Variants in GPM6A observed in about 807,000 individuals in gnomAD.
The protein encoded by GPM6A is neuronal membrane glycoprotein M6-a.
GPM6A carries 7 observed loss-of-function variants against 32.1 expected under a neutral mutation model. The ratio of observed to expected loss-of-function variants is 0.22; its 90% CI spans 0.12 to 0.41. The LOEUF is 0.41. Ranked by LOEUF, GPM6A falls within the 10% of genes least tolerant of loss-of-function variation. The pLI, the probability that GPM6A is intolerant of heterozygous loss-of-function variation, is 1.00. For synonymous variants in GPM6A, 130 were observed against 123.4 expected, an observed-to-expected ratio of 1.05 and a Z score of -0.35; for missense variants, 235 against 347.2, an observed-to-expected ratio of 0.68 and a Z score of 2.57.
At chr4:175,713,389 C>T (rs1745660685) in intron 1 of GPM6A, among the ~76,000 whole-genome samples, 1 of 152,012 alleles carries the variant, frequency 6.6e-6, no homozygotes, top group Non-Finnish European at 1.5e-5. Context: ...GACGGGGTTT[C>T]ATCATATTGG....
chr4:175,651,182 C>A (rs1028045256), intron 4 of GPM6A, among the ~76,000 whole-genome samples: 1 of 151,898 alleles, frequency 6.6e-6, no homozygotes, highest in Non-Finnish European at 1.5e-5. Flanking sequence ...TTGTCATCTA[C>A]AAAAGAAGAA....
Position 175,928,116 on chromosome 4 carries a change from T to G in GPM6A, c.-23+74193A>C, listed in dbSNP as rs192128914. 4.5e-3 allele frequency among the ~76,000 whole-genome samples: 679 copies of G among 152,314 alleles called. 11 individuals are homozygous for G. The highest frequency in any genetic ancestry group is 0.016 in the African/African-American group (651 of 41,566). On this transcript the variant is annotated intron_variant, in intron 1 of 7. Transcript: ENST00000280187. The stretch of plus-strand genomic sequence containing the variant: ...ATTAATAAAACAGAAGAGATTTTTA[T>G]TTTTCATACACTTATACTTTCCTTT...
chr4:175,816,868 A>G (rs1166064577), upstream of GPM6A, among the ~76,000 whole-genome samples: 1 of 150,068 alleles, frequency 6.7e-6, no homozygotes, highest in Middle Eastern at 3.4e-3. Flanking sequence ...TTTTATTTTT[A>G]TTTTTTTTTT....
intron 3 of GPM6A, among the ~76,000 whole-genome samples, chr4:175,673,224 T>C (rs1743179555): frequency 2.0e-5 from 3 of 152,062 alleles, no homozygotes. Flanking sequence ...TTATATAAAT[T>C]AAAATTTAAT....
At chr4:175,775,632 C>A (rs979271085) in intron 1 of GPM6A, among the ~76,000 whole-genome samples, 2 of 152,060 alleles carry the variant, frequency 1.3e-5, no homozygotes, top group African/African-American at 4.8e-5. Flanking sequence ...CTTCCAAATG[C>A]CTTGCTTTCA....
At position 175,845,183 on chromosome 4, in the gene GPM6A, T is replaced by G. The variant is rs1736051491; in HGVS notation, c.-22-32934A>C. On this transcript the variant is annotated intron_variant, in intron 1 of 7. Transcript: ENST00000280187. ...TTAGTTAATTACAAAAACTGTGTGT[T>G]TTCCTAAAATTTTCTTTCCTAGTGG... Among the ~76,000 whole-genome samples, 2 of 152,140 alleles carry G rather than the reference T, an allele frequency of 1.3e-5. 1 individual carries two copies. The highest frequency in any genetic ancestry group is 4.1e-4 in the South Asian group (2 of 4,834).
upstream of GPM6A, chr4:175,812,769 C>T (rs374997573): frequency 3.0e-6 from 3 of 985,338 alleles, no homozygotes; most frequent in Non-Finnish European, 2.4e-6. Flanking sequence ...CCCAGATTCC[C>T]GTCGGTTCTT....
At chr4:175,825,604 A>G (rs1268809447) in intron 1 of GPM6A, among the ~76,000 whole-genome samples, 2 of 152,228 alleles carry the variant, frequency 1.3e-5, no homozygotes, top group Non-Finnish European at 2.9e-5. Flanking sequence ...AGGCTCTGTT[A>G]GCTTGTGTTG....
intron 1 of GPM6A, among the ~76,000 whole-genome samples, chr4:175,702,216 G>C (rs1289462647): frequency 6.6e-6 from 1 of 152,104 alleles, no homozygotes; most frequent in Non-Finnish European, 1.5e-5. Flanking sequence ...AGTTATACAA[G>C]TTTTGGGGAT....
chr4:175,725,716 C>T (rs185764107), intron 1 of GPM6A, among the ~76,000 whole-genome samples: 283 of 152,124 alleles, frequency 1.9e-3, no homozygotes, highest in Non-Finnish European at 3.5e-3. Flanking sequence ...TCAATGAGTA[C>T]AGTATAAATA....
intron 1 of GPM6A, among the ~76,000 whole-genome samples, chr4:175,956,582 T>A (rs921903489): frequency 3.3e-5 from 5 of 152,186 alleles, no homozygotes; most frequent in Admixed American, 3.3e-4. Flanking sequence ...ATTTTTGAAG[T>A]ACTTAGTTGA....
rs556965559 is a variant in GPM6A, at chr4:175,634,554, A to G, written c.*351T>C. On this transcript the variant is annotated 3_prime_UTR_variant, in exon 7 of 7. Transcript: ENST00000393658. ...CTATTTTCTTTTCAAAACATAAGAAATAATGCAAAAGGTGTTATGTATAAC... is the reference window on the plus strand; with the variant it reads ...CTATTTTCTTTTCAAAACATAAGAAGTAATGCAAAAGGTGTTATGTATAAC... The G allele has an allele frequency of 5.7e-6, 1 of 175,616 alleles. No individual in the cohort carries two copies. Among genetic ancestry groups the G allele is most frequent in the African/African-American group, 2.4e-5 (1 of 42,188 alleles). 10.9% of individuals were successfully genotyped at this position (175,616 alleles called of 1,614,324 possible).
At chr4:175,701,219 A>G (rs1257910053) in intron 2 of GPM6A, among the ~76,000 whole-genome samples, 1 of 152,222 alleles carries the variant, frequency 6.6e-6, no homozygotes, top group African/African-American at 2.4e-5. Context: ...TCCTAAAATT[A>G]GTAGCAAGGG....
At chr4:175,699,741 C>T (rs573996645) in intron 2 of GPM6A, among the ~76,000 whole-genome samples, 2 of 152,030 alleles carry the variant, frequency 1.3e-5, no homozygotes, top group East Asian at 1.9e-4. Flanking sequence ...TTTTAAGTAT[C>T]AACAGGTTTT....
chr4:175,669,616 T>C (rs1481727847), intron 3 of GPM6A, among the ~76,000 whole-genome samples: 1 of 152,178 alleles, frequency 6.6e-6, no homozygotes, highest in African/African-American at 2.4e-5. Flanking sequence ...AGGGTAACAA[T>C]AGCAACTAGT....
chr4:175,778,662 A>C (rs1733495416), intron 1 of GPM6A, among the ~76,000 whole-genome samples: 1 of 149,674 alleles, frequency 6.7e-6, no homozygotes, highest in African/African-American at 2.4e-5. Flanking sequence ...AAAAAGAAAA[A>C]GAAAACTCTG....
At chr4:175,808,942 C>G (rs1734804817) in intron 1 of GPM6A, among the ~76,000 whole-genome samples, 3 of 152,124 alleles carry the variant, frequency 2.0e-5, no homozygotes, top group Admixed American at 2.0e-4. Context: ...TCTTTCTGTC[C>G]CTTGCTGTTT....
intron 1 of GPM6A, among the ~76,000 whole-genome samples, chr4:175,711,788 G>T (rs1418923885): frequency 6.6e-6 from 1 of 151,604 alleles, no homozygotes. Context: ...GAAGTAGAGA[G>T]CCTGTTAGCA....
intron 1 of GPM6A, among the ~76,000 whole-genome samples, chr4:175,833,224 A>C (rs1303623375): frequency 1.3e-5 from 2 of 152,002 alleles, no homozygotes; most frequent in African/African-American, 4.8e-5. Context: ...ATGGATAAAG[A>C]CTCCTGGGGG....
Sources: allele counts gnomAD v4.1 joint callset (sites outside exome capture counted in the v4.1 genomes callset), GRCh38; gene constraint gnomAD v4.1.1; transcripts MANE v1.5; gene names NCBI Gene and HGNC (gene_info 2026-07-23, HGNC 2026-07-21).